The following LGSN variants were observed in gnomAD, a reference collection of about 807,000 sequenced individuals.
LGSN encodes lengsin.
In LGSN, 21 loss-of-function variants were observed where a neutral mutation model predicts 19.5. That is an observed-to-expected ratio of 1.07 (90% CI 0.76 to 1.55). LGSN has a LOEUF of 1.55. LGSN is among the 40% of genes most tolerant of loss of function. LGSN has a pLI of 0.00. For synonymous variants in LGSN, 257 were observed against 215.6 expected, an observed-to-expected ratio of 1.19 and a Z score of -1.68; for missense variants, 673 against 608.5, an observed-to-expected ratio of 1.11 and a Z score of -1.12.
the LGSN span, among the ~76,000 whole-genome samples, chr6:63,376,727 A>C: frequency 2.6e-5 from 4 of 152,220 alleles, no homozygotes; most frequent in African/African-American, 9.6e-5. Flanking sequence ...GGAAATAGGA[A>C]ATTGTATTTT....
the LGSN span, chr6:63,572,032 C>A: frequency 5.9e-5 from 9 of 152,316 alleles, no homozygotes; most frequent in South Asian, 1.9e-3. Context: ...GTGGTTAAGG[C>A]AGTAGAAAGC....
At chr6:63,549,319 G>T in the LGSN span, 2 of 753,316 alleles carry the variant, frequency 2.7e-6, no homozygotes, top group East Asian at 2.5e-5. Flanking sequence ...CTCTGCCGCT[G>T]CAACCTGATA....
chr6:63,286,685 A>G (rs1012686279), intron 2 of LGSN, among the ~76,000 whole-genome samples: 9 of 152,206 alleles, frequency 5.9e-5, no homozygotes, highest in African/African-American at 2.2e-4. Context: ...TACACATTAT[A>G]AATGTTAGTT....
At chr6:63,567,475 T>G in the LGSN span, among the ~76,000 whole-genome samples, 3 of 152,336 alleles carry the variant, frequency 2.0e-5, no homozygotes, top group South Asian at 6.2e-4. Context: ...TTTAAATAAA[T>G]CACGTTTTAT....
chr6:63,468,905 T>G, the LGSN span, among the ~76,000 whole-genome samples: 1 of 152,064 alleles, frequency 6.6e-6, no homozygotes, highest in South Asian at 2.1e-4. Context: ...TGCTTCACAA[T>G]GCCTGGCTAA....
At chr6:63,313,761 G>C (rs183241016) in intron 1 of LGSN, among the ~76,000 whole-genome samples, 1 of 151,962 alleles carries the variant, frequency 6.6e-6, no homozygotes, top group Non-Finnish European at 1.5e-5. Context: ...ACTTGAATCC[G>C]GGAGGTGGAG....
the LGSN span, chr6:63,572,220 C>T: frequency 6.2e-6 from 1 of 162,162 alleles, no homozygotes; most frequent in Non-Finnish European, 1.3e-5. Flanking sequence ...GCTCCCACCC[C>T]TTCTTAACTT....
At chr6:63,523,581 C>A in the LGSN span, among the ~76,000 whole-genome samples, 1 of 152,146 alleles carries the variant, frequency 6.6e-6, no homozygotes, top group African/African-American at 2.4e-5. Context: ...AAAAATAAAA[C>A]CAGTTCCATG....
At chr6:63,394,526 C>T in the LGSN span, among the ~76,000 whole-genome samples, 12 of 152,190 alleles carry the variant, frequency 7.9e-5, no homozygotes, top group African/African-American at 2.9e-4. Context: ...CATCCCTTTC[C>T]TGGAAAACTC....
chr6:63,408,233 G>A, the LGSN span, among the ~76,000 whole-genome samples: 43 of 151,982 alleles, frequency 2.8e-4, no homozygotes, highest in Non-Finnish European at 5.1e-4. Context: ...TCAATCCTAA[G>A]CCAAAAGAAC....
the LGSN span, among the ~76,000 whole-genome samples, chr6:63,361,975 A>G: frequency 3.3e-5 from 5 of 152,316 alleles, no homozygotes; most frequent in African/African-American, 1.2e-4. Flanking sequence ...CCTGAAACAT[A>G]GCAATGGACA....
chr6:63,357,193 T>C, the LGSN span, among the ~76,000 whole-genome samples: 1 of 152,158 alleles, frequency 6.6e-6, no homozygotes, highest in Non-Finnish European at 1.5e-5. Context: ...TAGTATTCCA[T>C]GGTGTATATG....
At chr6:63,454,220 A>G in the LGSN span, among the ~76,000 whole-genome samples, 1 of 152,054 alleles carries the variant, frequency 6.6e-6, no homozygotes, top group Non-Finnish European at 1.5e-5. Context: ...TGTCACCGTT[A>G]TGGGACCACA....
At chr6:63,572,250 A>G in the LGSN span, 1 of 173,594 alleles carries the variant, frequency 5.8e-6, no homozygotes, top group Non-Finnish European at 1.2e-5. Context: ...TGCATCCCGG[A>G]GCACTCCCGG....
chr6:63,367,743 A>G, the LGSN span, among the ~76,000 whole-genome samples: 1 of 149,530 alleles, frequency 6.7e-6, no homozygotes, highest in African/African-American at 2.6e-5. Context: ...CATATACAGC[A>G]TGGAATACTA....
At chr6:63,469,904 C>T in the LGSN span, among the ~76,000 whole-genome samples, 800 of 152,098 alleles carry the variant, frequency 5.3e-3, 7 homozygotes, top group South Asian at 0.024. Context: ...TTAGTAGAGA[C>T]GGGGTTTCTC....
chr6:63,492,029 C>CA, the LGSN span, among the ~76,000 whole-genome samples: 6,645 of 125,946 alleles, frequency 0.053, 235 homozygotes, highest in Middle Eastern at 0.081. Context: ...AACTCCATCT[C>CA]AAAAAAAAAA....
the LGSN span, among the ~76,000 whole-genome samples, chr6:63,346,356 T>C: frequency 8.6e-5 from 13 of 151,426 alleles, no homozygotes; most frequent in Non-Finnish European, 1.8e-4. Flanking sequence ...TAATTGATCA[T>C]ATCTTCTTGA....
At chr6:63,297,477 G>A (rs1226489018) in intron 1 of LGSN, among the ~76,000 whole-genome samples, 1 of 151,848 alleles carries the variant, frequency 6.6e-6, no homozygotes, top group Admixed American at 6.6e-5. Context: ...GTCCTTTTCA[G>A]TCCTTTGGTT....
Sources: gnomAD v4.1 joint callset for allele counts (sites outside exome capture counted in the v4.1 genomes callset) on GRCh38, gnomAD v4.1.1 for gene constraint, MANE v1.5 for transcripts, NCBI Gene and HGNC (gene_info 2026-07-23, HGNC 2026-07-21) for gene names.